The following NRG1 variants were observed in gnomAD, a reference collection of about 807,000 sequenced individuals.
NRG1 encodes neuregulin 1, also known as pro-neuregulin-1, membrane-bound isoform.
Under a neutral mutation model 63.8 loss-of-function variants are expected in NRG1, and 18 were observed. That is an observed-to-expected ratio of 0.28 (90% CI 0.19 to 0.42). The LOEUF (loss-of-function observed/expected upper bound fraction) is 0.42. NRG1 is among the 10% of genes least tolerant of loss of function. The pLI is 1.00. For synonymous variants in NRG1, 302 were observed against 301.3 expected (o/e 1.00, Z -0.02); for missense variants, 762 against 814.7 (o/e 0.94, Z 0.79).
chr8:32,061,504 C>T (rs187564018), intron 1 of NRG1, among the ~76,000 whole-genome samples: 23 of 152,008 alleles, frequency 1.5e-4, no homozygotes, highest in African/African-American at 5.3e-4. Flanking sequence ...CAGATATTCC[C>T]GCCTTCCACT....
chr8:32,152,543 T>TA (rs61148709), intron 1 of NRG1, among the ~76,000 whole-genome samples: 3 of 152,222 alleles, frequency 2.0e-5, no homozygotes, highest in African/African-American at 7.2e-5. Context: ...GACATACTTT[T>TA]AAATAGTAAA....
chr8:32,650,832 C>T (rs1854946572), intron 5 of NRG1, among the ~76,000 whole-genome samples: 1 of 152,018 alleles, frequency 6.6e-6, no homozygotes, highest in Non-Finnish European at 1.5e-5. Context: ...GAAACATGCT[C>T]TTCAGTGGTT....
chr8:32,592,804 C>T (rs1187296969), intron 1 of NRG1, among the ~76,000 whole-genome samples: 1 of 152,100 alleles, frequency 6.6e-6, no homozygotes, highest in African/African-American at 2.4e-5. Flanking sequence ...GACACTCAGA[C>T]AATGTAGGCA....
Position 32,472,646 on chromosome 8 carries a change from G to T in NRG1, c.38-123182G>T, listed in dbSNP as rs577431528. On this transcript the variant is annotated intron_variant, in intron 1 of 10. Coordinates refer to the NRG1 transcript ENST00000519301. ...GTCCTGTTTTGGTGACTCTGAGCAA[G>T]TCTTAACCTTGCCTACATTTCCTCA... Among the ~76,000 whole-genome samples the T allele has an allele frequency of 1.3e-5, 2 of 152,226 alleles. 1 individual carries two copies. Among genetic ancestry groups the T allele is most frequent in the Non-Finnish European group, 2.9e-5 (2 of 68,030 alleles).
At chr8:32,288,423 C>G (rs746633191) in intron 1 of NRG1, among the ~76,000 whole-genome samples, 1 of 152,116 alleles carries the variant, frequency 6.6e-6, no homozygotes, top group Non-Finnish European at 1.5e-5. Flanking sequence ...TTTAACAAAT[C>G]TGTAGAAAAG....
intron 1 of NRG1, among the ~76,000 whole-genome samples, chr8:31,828,580 C>T (rs1447840177): frequency 1.3e-5 from 2 of 152,168 alleles, no homozygotes; most frequent in Non-Finnish European, 2.9e-5. Context: ...CTCTGTCCAA[C>T]AGCATAAGCT....
At chr8:32,206,024 T>C (rs1010480380) in intron 1 of NRG1, among the ~76,000 whole-genome samples, 3 of 152,046 alleles carry the variant, frequency 2.0e-5, no homozygotes, top group Admixed American at 6.6e-5. Flanking sequence ...GGAGAATCCC[T>C]TGAGGCCAGT....
chr8:32,722,581 C>T (rs1447812817), intron 5 of NRG1, among the ~76,000 whole-genome samples: 1 of 152,038 alleles, frequency 6.6e-6, no homozygotes, highest in African/African-American at 2.4e-5. Context: ...GTATTATTTC[C>T]AAAATCTTAA....
chr8:31,707,734 A>G (rs1402080830), intron 1 of NRG1, among the ~76,000 whole-genome samples: 1 of 151,686 alleles, frequency 6.6e-6, no homozygotes, highest in East Asian at 1.9e-4. Context: ...CTTTTTCATC[A>G]CTGTTGTTAG....
intron 1 of NRG1, among the ~76,000 whole-genome samples, chr8:32,006,432 T>C (rs1209227321): frequency 6.6e-6 from 1 of 152,040 alleles, no homozygotes; most frequent in Admixed American, 6.6e-5. Context: ...TTCATTCCCA[T>C]GATTGTCTTA....
intron 1 of NRG1, among the ~76,000 whole-genome samples, chr8:31,919,339 T>TA (rs1833698428): frequency 1.3e-5 from 2 of 151,990 alleles, no homozygotes; most frequent in South Asian, 2.1e-4. Flanking sequence ...TCATTCCACT[T>TA]ACGCTTTTCA....
Position 32,571,261 on chromosome 8 carries a change from C to T in NRG1, c.100+22435C>T, listed in dbSNP as rs1359526980. 3.9e-5 allele frequency among the ~76,000 whole-genome samples: 6 copies of T among 152,210 alleles called. No homozygotes were observed. The East Asian group carries it at 1.2e-3, about 29-fold the overall frequency. Reference sequence around the variant, plus strand: ...TATTACTAATTTCTGCTTAGCATTCCTTACTCACCAGAAATGTTTTAGGAT... The same window carrying T: ...TATTACTAATTTCTGCTTAGCATTCTTTACTCACCAGAAATGTTTTAGGAT... On this transcript the variant is annotated intron_variant, in intron 1 of 11. Coordinates refer to ENST00000356819, the Ensembl canonical transcript of NRG1.
chr8:32,064,947 C>G (rs925402824), intron 1 of NRG1, among the ~76,000 whole-genome samples: 3 of 152,054 alleles, frequency 2.0e-5, no homozygotes, highest in Non-Finnish European at 2.9e-5. Context: ...TTGGAAAGCA[C>G]CACAAATGTA....
intron 1 of NRG1, among the ~76,000 whole-genome samples, chr8:31,760,776 G>A (rs1817462111): frequency 1.3e-5 from 2 of 152,126 alleles, no homozygotes; most frequent in South Asian, 4.1e-4. Context: ...CAGTTAGAAT[G>A]GCAATCATTA....
intron 1 of NRG1, among the ~76,000 whole-genome samples, chr8:31,788,608 T>C (rs1405258664): frequency 6.6e-6 from 1 of 152,172 alleles, no homozygotes; most frequent in Non-Finnish European, 1.5e-5. Context: ...CATCTTGGTG[T>C]AAGGACACAC....
intron 1 of NRG1, among the ~76,000 whole-genome samples, chr8:31,897,707 C>T (rs1048638417): frequency 6.6e-6 from 1 of 152,088 alleles, no homozygotes; most frequent in Admixed American, 6.5e-5. Context: ...TTGACTCTTT[C>T]ATCCAATTAG....
chr8:32,245,993 G>T (rs1437334870), intron 1 of NRG1, among the ~76,000 whole-genome samples: 1 of 152,066 alleles, frequency 6.6e-6, no homozygotes, highest in Non-Finnish European at 1.5e-5. Context: ...CAGGAATCAG[G>T]CTGATTTTCC....
intron 1 of NRG1, among the ~76,000 whole-genome samples, chr8:32,216,901 C>A (rs1357599945): frequency 1.3e-5 from 2 of 151,868 alleles, no homozygotes; most frequent in African/African-American, 2.4e-5. Flanking sequence ...TGGTTCTCAG[C>A]CTTAGTTGCT....
intron 1 of NRG1, among the ~76,000 whole-genome samples, chr8:32,342,298 G>C (rs1804180057): frequency 6.6e-6 from 1 of 152,146 alleles, no homozygotes; most frequent in Non-Finnish European, 1.5e-5. Context: ...ATGATATCTT[G>C]TTTCCCAGAA....
Sources: gnomAD v4.1 joint callset for allele counts (sites outside exome capture counted in the v4.1 genomes callset) on GRCh38, gnomAD v4.1.1 for gene constraint, MANE v1.5 for transcripts, NCBI Gene and HGNC (gene_info 2026-07-23, HGNC 2026-07-21) for gene names.